Variants in RCAN1 observed in about 807,000 individuals in gnomAD.
RCAN1 encodes calcipressin-1.
In RCAN1, 11 loss-of-function variants were observed where a neutral mutation model predicts 22.9. The ratio of observed to expected loss-of-function variants is 0.48; its 90% CI spans 0.30 to 0.79. The LOEUF is 0.79. Among genes scored for constraint, RCAN1 ranks in the 30% least tolerant of loss-of-function variants. The pLI is 0.06. For synonymous variants in RCAN1, 136 were observed against 142.3 expected (o/e 0.96, Z 0.32); for missense variants, 291 against 337.8 (o/e 0.86, Z 1.09).
chr21:34,540,328 C>G (rs1235855166), intron 1 of RCAN1, among the ~76,000 whole-genome samples: 1 of 152,174 alleles, frequency 6.6e-6, no homozygotes, highest in African/African-American at 2.4e-5. Context: ...CAGGTGGGCT[C>G]TTCCGGGGCT....
At chr21:34,523,189 C>T (rs1253996466) in intron 2 of RCAN1, 3 of 232,390 alleles carry the variant, frequency 1.3e-5, no homozygotes, top group Middle Eastern at 1.5e-3. Flanking sequence ...TGAGCTCCAA[C>T]CCTTGAGCAA....
intron 1 of RCAN1, among the ~76,000 whole-genome samples, chr21:34,529,955 C>T (rs777174117): frequency 3.9e-5 from 6 of 152,186 alleles, no homozygotes; most frequent in East Asian, 1.9e-4. Context: ...ATCATTTTCC[C>T]TTGCTGCCGC....
intron 1 of RCAN1, among the ~76,000 whole-genome samples, chr21:34,538,690 C>T (rs541943128): frequency 2.6e-5 from 4 of 152,254 alleles, no homozygotes; most frequent in African/African-American, 9.6e-5. Flanking sequence ...CGACCCTTAT[C>T]GGAGCAGGAG....
chr21:34,569,475 T>C (rs1230128410), intron 1 of RCAN1, among the ~76,000 whole-genome samples: 1 of 152,214 alleles, frequency 6.6e-6, no homozygotes, highest in African/African-American at 2.4e-5. Context: ...GTTTTATGTG[T>C]TACCATATCC....
intron 1 of RCAN1, among the ~76,000 whole-genome samples, chr21:34,612,455 T>A (rs1988708726): frequency 6.6e-6 from 1 of 152,222 alleles, no homozygotes; most frequent in Admixed American, 6.5e-5. Context: ...TGGTCCAGGC[T>A]GTGCAGAGGC....
chr21:34,610,120 G>A (rs538284160), intron 1 of RCAN1, among the ~76,000 whole-genome samples: 71 of 152,280 alleles, frequency 4.7e-4, no homozygotes, highest in Middle Eastern at 3.4e-3. Flanking sequence ...CTGCTAGGAT[G>A]TCACATTTTA....
chr21:34,594,832 T>C (rs533932838), intron 1 of RCAN1, among the ~76,000 whole-genome samples: 61 of 152,206 alleles, frequency 4.0e-4, no homozygotes, highest in Admixed American at 3.6e-3. Flanking sequence ...TAAAATGGAA[T>C]CGTAACAAGC....
chr21:34,614,533 G>C lies in RCAN1; in HGVS notation c.252+227C>G, dbSNP rs1260730750. 3.9e-6 allele frequency: 4 copies of C among 1,035,056 alleles called. No homozygotes were observed. The highest frequency in any genetic ancestry group is 7.0e-5 in the East Asian group (1 of 14,340). The allele number at this position is 1,035,056 out of a possible 1,614,324, so 64.1% of individuals were successfully genotyped here. On this transcript the variant is annotated intron_variant, in intron 1 of 3. Coordinates refer to ENST00000313806, the MANE Select transcript of RCAN1 (RefSeq NM_004414.7). The surrounding 1 kb of genome is among the most constrained non-coding windows in gnomAD (Gnocchi z 6.0). ...ACACGGGGGCCGGGGCGAGCCTGTG[G>C]GACTCTGCAGTGAGCTCCGCGCGCC...
intron 1 of RCAN1, chr21:34,524,712 C>T (rs754129260): frequency 6.6e-5 from 12 of 180,596 alleles, no homozygotes; most frequent in East Asian, 1.5e-4. Flanking sequence ...GTGCACACCT[C>T]GCTCTGGTGC....
At chr21:34,551,149 C>T (rs1242574627) in intron 1 of RCAN1, among the ~76,000 whole-genome samples, 1 of 152,166 alleles carries the variant, frequency 6.6e-6, no homozygotes, top group African/African-American at 2.4e-5. Flanking sequence ...AGTAGAAAGG[C>T]TTTTAAAGGC....
At chr21:34,565,467 C>T (rs1189001896) in intron 1 of RCAN1, among the ~76,000 whole-genome samples, 2 of 152,302 alleles carry the variant, frequency 1.3e-5, no homozygotes, top group East Asian at 3.9e-4. Flanking sequence ...ATCCCGTGCC[C>T]TCAAATGGGG....
intron 1 of RCAN1, among the ~76,000 whole-genome samples, chr21:34,548,901 C>A (rs1236059336): frequency 1.3e-5 from 2 of 152,158 alleles, no homozygotes; most frequent in African/African-American, 2.4e-5. Context: ...GAGAAAAATG[C>A]CTACTTTTCC....
At chr21:34,551,806 A>AT (rs1986378768) in intron 1 of RCAN1, among the ~76,000 whole-genome samples, 1 of 152,178 alleles carries the variant, frequency 6.6e-6, no homozygotes, top group East Asian at 1.9e-4. Flanking sequence ...AAAAAATCTT[A>AT]GAATGAAGAC....
rs1986329598 is a variant in RCAN1 at position 34,550,615 on chromosome 21, C to A, written c.253-26905G>T. Among the ~76,000 whole-genome samples the A allele has an allele frequency of 2.0e-5, 3 of 152,172 alleles. 1 individual carries two copies. The South Asian group carries it at 6.2e-4, about 31-fold the overall frequency. On this transcript the variant is annotated intron_variant, in intron 1 of 3. Transcript: ENST00000313806. ...CATCACCTTGATCTTGGACTTCCAG[C>A]CTCCAGGATTGTGAAACAACACATT...
chr21:34,591,831 T>C (rs1240734852), intron 1 of RCAN1, among the ~76,000 whole-genome samples: 2 of 152,188 alleles, frequency 1.3e-5, no homozygotes. Flanking sequence ...CAAATTAGAA[T>C]GTAGGTGGTC....
At chr21:34,549,019 G>T (rs1264455901) in intron 1 of RCAN1, among the ~76,000 whole-genome samples, 1 of 152,168 alleles carries the variant, frequency 6.6e-6, no homozygotes, top group Non-Finnish European at 1.5e-5. Flanking sequence ...CCCAGGATAG[G>T]GACTATGAGA....
chr21:34,555,961 G>A (rs1185081963), intron 1 of RCAN1, among the ~76,000 whole-genome samples: 3 of 151,824 alleles, frequency 2.0e-5, no homozygotes, highest in Non-Finnish European at 1.5e-5. Context: ...TACTCGGGAG[G>A]CTGAGGCAGG....
rs113682453 is a variant in RCAN1, at chr21:34,577,310, C to T, written c.252+37450G>A. Among the ~76,000 whole-genome samples the T allele has an allele frequency of 3.9e-5, 6 of 152,226 alleles. 1 individual carries two copies. The highest frequency in any genetic ancestry group is 9.6e-5 in the African/African-American group (4 of 41,532). On this transcript the variant is annotated intron_variant, in intron 1 of 3. Transcript: ENST00000313806. The stretch of plus-strand genomic sequence containing the variant: ...GACATACATAGGTTTTTAGAAAAAT[C>T]GCTTGGGCCAGTCATGGTGGCACGT...
intron 1 of RCAN1, among the ~76,000 whole-genome samples, chr21:34,593,114 T>C (rs1308486927): frequency 3.3e-5 from 5 of 152,242 alleles, no homozygotes; most frequent in African/African-American, 1.2e-4. Flanking sequence ...GACCCTGAGT[T>C]TATATAGACT....
Sources: allele counts gnomAD v4.1 joint callset (sites outside exome capture counted in the v4.1 genomes callset), GRCh38; gene constraint gnomAD v4.1.1; non-coding constraint Gnocchi (gnomAD v3.1); transcripts MANE v1.5; gene names NCBI Gene and HGNC (gene_info 2026-07-23, HGNC 2026-07-21).